EPHA6: variants seen among roughly 807,000 people sequenced by gnomAD.
EPHA6 encodes ephrin type-A receptor 6.
Under a neutral mutation model 112.0 loss-of-function variants are expected in EPHA6, and 50 were observed. The ratio of observed to expected loss-of-function variants is 0.45; its 90% CI spans 0.36 to 0.56. The LOEUF (loss-of-function observed/expected upper bound fraction) is 0.56. Ranked by LOEUF, EPHA6 falls within the 20% of genes least tolerant of loss-of-function variation. The probability of loss-of-function intolerance (pLI) is 0.00; values close to 1 mark genes in which losing one functional copy is unlikely to be tolerated. For synonymous variants in EPHA6, 529 were observed against 490.7 expected (o/e 1.08, Z -1.03); for missense variants, 1,280 against 1,417.4 (o/e 0.90, Z 1.56).
At chr3:96,861,164 G>A (rs1030701365) in intron 1 of EPHA6, among the ~76,000 whole-genome samples, 1 of 152,038 alleles carries the variant, frequency 6.6e-6, no homozygotes, top group Non-Finnish European at 1.5e-5. Flanking sequence ...GGATCTGGAG[G>A]TTCTTGGAAT....
chr3:96,917,492 G>A (rs1212207947), intron 2 of EPHA6, among the ~76,000 whole-genome samples: 1 of 145,088 alleles, frequency 6.9e-6, no homozygotes, highest in East Asian at 2.0e-4. Flanking sequence ...ATTCCTAATA[G>A]AAGTGCACAA....
intron 3 of EPHA6, among the ~76,000 whole-genome samples, chr3:97,189,162 G>C (rs1337854279): frequency 6.6e-6 from 1 of 151,860 alleles, no homozygotes; most frequent in Admixed American, 6.6e-5. Context: ...ACATCATCAA[G>C]TACAATTTCT....
At chr3:96,995,250 A>C (rs1010184469) in intron 3 of EPHA6, among the ~76,000 whole-genome samples, 1 of 152,132 alleles carries the variant, frequency 6.6e-6, no homozygotes, top group African/African-American at 2.4e-5. Flanking sequence ...AGCATAAAGA[A>C]ATATGAGATA....
chr3:97,072,701 A>G (rs1292202536), intron 3 of EPHA6, among the ~76,000 whole-genome samples: 1 of 152,134 alleles, frequency 6.6e-6, no homozygotes, highest in Non-Finnish European at 1.5e-5. Context: ...CTTCAAATAG[A>G]AAAAGATCTT....
chr3:97,555,599 A>C (rs2093094999), intron 11 of EPHA6, among the ~76,000 whole-genome samples: 1 of 152,188 alleles, frequency 6.6e-6, no homozygotes, highest in African/African-American at 2.4e-5. Flanking sequence ...TTGTTTCCTG[A>C]CTTTTTAATG....
chr3:96,917,312 T>G (rs2039531301), intron 2 of EPHA6, among the ~76,000 whole-genome samples: 1 of 147,798 alleles, frequency 6.8e-6, no homozygotes, highest in Admixed American at 6.9e-5. Flanking sequence ...TCCCAGCTAC[T>G]CAGGAGGCTG....
chr3:96,864,735 C>T (rs2036207629), intron 1 of EPHA6, among the ~76,000 whole-genome samples: 1 of 151,768 alleles, frequency 6.6e-6, no homozygotes, highest in Non-Finnish European at 1.5e-5. Context: ...CATGGGGAAA[C>T]TTATAGATTT....
chr3:97,701,214 G>T (rs2107736486), intron 14 of EPHA6, among the ~76,000 whole-genome samples: 1 of 152,304 alleles, frequency 6.6e-6, no homozygotes, highest in African/African-American at 2.4e-5. Context: ...AATGGACAGA[G>T]ATTGGTCTGA....
intron 2 of EPHA6, among the ~76,000 whole-genome samples, chr3:96,956,362 G>A (rs1488354465): frequency 6.6e-6 from 1 of 152,154 alleles, no homozygotes; most frequent in Non-Finnish European, 1.5e-5. Context: ...ATGATCCATT[G>A]AATTGACTAA....
intron 3 of EPHA6, among the ~76,000 whole-genome samples, chr3:97,167,262 G>A (rs2076563503): frequency 6.6e-6 from 1 of 152,064 alleles, no homozygotes; most frequent in South Asian, 2.1e-4. Flanking sequence ...TACTTCTGAG[G>A]ATCATTTATC....
intron 17 of EPHA6, among the ~76,000 whole-genome samples, chr3:97,747,916 A>C (rs1227674853): frequency 6.6e-6 from 1 of 152,054 alleles, no homozygotes; most frequent in Non-Finnish European, 1.5e-5. Context: ...ACCTTCATCA[A>C]ATAATGCAAT....
rs376538447 is a variant in EPHA6, at chr3:97,257,832, G to A, written c.1606+13545G>A. Among the ~76,000 whole-genome samples the A allele has an allele frequency of 1.1e-4, 17 of 152,132 alleles. No homozygotes were observed. In the South Asian group the frequency reaches 3.5e-3, roughly 32 times the overall value. ...AAATGGAATGACAAGTCTAGTGAAT[G>A]AGAATAATGTTTACAATATTGTGTT... On this transcript the variant is annotated intron_variant, in intron 5 of 17. Transcript: ENST00000389672.
intron 7 of EPHA6, among the ~76,000 whole-genome samples, chr3:97,452,557 G>C (rs1282783112): frequency 6.6e-6 from 1 of 151,662 alleles, no homozygotes. Flanking sequence ...ATTAGGTACT[G>C]TACTTGATTG....
chr3:97,332,643 A>G (rs1051815602), intron 5 of EPHA6, among the ~76,000 whole-genome samples: 1 of 152,100 alleles, frequency 6.6e-6, no homozygotes, highest in Admixed American at 6.6e-5. Context: ...TTGAATTGAT[A>G]TTAGGTTTGA....
intron 2 of EPHA6, among the ~76,000 whole-genome samples, chr3:96,903,975 C>A (rs548006650): frequency 6.6e-6 from 1 of 152,128 alleles, no homozygotes; most frequent in East Asian, 1.9e-4. Context: ...TGGAGAGGAC[C>A]TGGAGAAATA....
intron 7 of EPHA6, among the ~76,000 whole-genome samples, chr3:97,450,322 A>G (rs2090484533): frequency 6.6e-6 from 1 of 152,022 alleles, no homozygotes; most frequent in African/African-American, 2.4e-5. Flanking sequence ...TTGTCGAATT[A>G]TTGTCTTTTT....
chr3:97,140,296 C>A (rs2075867101), intron 3 of EPHA6, among the ~76,000 whole-genome samples: 1 of 152,090 alleles, frequency 6.6e-6, no homozygotes, highest in Non-Finnish European at 1.5e-5. Context: ...TTTCCCTGGT[C>A]TTGCCAGAGA....
At chr3:96,891,515 A>G (rs1198619281) in intron 2 of EPHA6, among the ~76,000 whole-genome samples, 1 of 152,096 alleles carries the variant, frequency 6.6e-6, no homozygotes, top group Non-Finnish European at 1.5e-5. Flanking sequence ...GTTCGAGACC[A>G]GCCTTCAACA....
intron 3 of EPHA6, among the ~76,000 whole-genome samples, chr3:97,117,334 T>A (rs2047918197): frequency 6.6e-6 from 1 of 151,790 alleles, no homozygotes; most frequent in South Asian, 2.1e-4. Flanking sequence ...TATGAGGTAA[T>A]CCCATTTGTC....
Sources: allele counts gnomAD v4.1 joint callset (sites outside exome capture counted in the v4.1 genomes callset), GRCh38; gene constraint gnomAD v4.1.1; transcripts MANE v1.5; gene names NCBI Gene and HGNC (gene_info 2026-07-23, HGNC 2026-07-21).